The following VEZT variants were observed in gnomAD, a reference collection of about 807,000 sequenced individuals.
VEZT encodes the protein vezatin.
In VEZT, 39 loss-of-function variants were observed where a neutral mutation model predicts 79.9. The ratio of observed to expected loss-of-function variants is 0.49; its 90% CI spans 0.38 to 0.64. The LOEUF (loss-of-function observed/expected upper bound fraction) is 0.64. Among genes scored for constraint, VEZT ranks in the 30% least tolerant of loss-of-function variants. The pLI is 0.00. For synonymous variants in VEZT, 325 were observed against 327.6 expected, an observed-to-expected ratio of 0.99 and a Z score of 0.09; for missense variants, 837 against 893.1, an observed-to-expected ratio of 0.94 and a Z score of 0.80.
chr12:95,285,982 CTTT>C (rs869030351), intron 8 of VEZT, among the ~76,000 whole-genome samples: 2 of 85,832 alleles, frequency 2.3e-5, no homozygotes, highest in South Asian at 5.1e-4. Flanking sequence ...CCGACCCCTT[CTTT>C]TTTTTTTTTT....
At chr12:95,236,932 A>G (rs1356951812) in intron 1 of VEZT, among the ~76,000 whole-genome samples, 3 of 152,220 alleles carry the variant, frequency 2.0e-5, no homozygotes, top group African/African-American at 7.2e-5. Context: ...TGAAGCAAAA[A>G]TAAGGCAATT....
At chr12:95,224,894 A>G (rs1341935233) in intron 1 of VEZT, among the ~76,000 whole-genome samples, 1 of 152,196 alleles carries the variant, frequency 6.6e-6, no homozygotes, top group Non-Finnish European at 1.5e-5. Flanking sequence ...GGCATTAGTT[A>G]GATTCTCATA....
chr12:95,237,856 C>T (rs796611968), intron 1 of VEZT, among the ~76,000 whole-genome samples: 1 of 152,082 alleles, frequency 6.6e-6, no homozygotes, highest in Non-Finnish European at 1.5e-5. Flanking sequence ...AGTCATGGAG[C>T]CTGTAGATCA....
At chr12:95,254,575 G>T (rs2063167946) in intron 2 of VEZT, among the ~76,000 whole-genome samples, 1 of 151,972 alleles carries the variant, frequency 6.6e-6, no homozygotes, top group African/African-American at 2.4e-5. Context: ...TTAAACTCCT[G>T]ACCTCAAGTG....
At chr12:95,272,555 T>C (rs997275124) in intron 6 of VEZT, among the ~76,000 whole-genome samples, 1 of 152,134 alleles carries the variant, frequency 6.6e-6, no homozygotes, top group Non-Finnish European at 1.5e-5. Context: ...TAAATTTAAC[T>C]AAAAAAGAAT....
In VEZT at chr12:95,217,826, G is replaced by T; in HGVS notation, c.-25G>T. On this transcript the variant is annotated 5_prime_UTR_variant, in exon 1 of 12. Transcript: ENST00000436874. ...TCCCGCCTTCATTTCCCATCGTGCT[G>T]AGGCGGGTGGCATGGCGGAGAAGGA... 6.5e-7 allele frequency: 1 copy of T among 1,547,796 alleles called. No individual in the cohort carries two copies. The highest frequency in any genetic ancestry group is 8.7e-7 in the Non-Finnish European group (1 of 1,152,112).
chr12:95,220,891 A>G (rs1387753900), intron 1 of VEZT, among the ~76,000 whole-genome samples: 3 of 152,182 alleles, frequency 2.0e-5, no homozygotes, highest in Non-Finnish European at 4.4e-5. Flanking sequence ...AAATACCTAG[A>G]TATTTCTGTA....
intron 7 of VEZT, among the ~76,000 whole-genome samples, chr12:95,280,905 C>G (rs1189361944): frequency 6.6e-6 from 1 of 151,808 alleles, no homozygotes; most frequent in Non-Finnish European, 1.5e-5. Context: ...ACATCTGTAG[C>G]AACTAGGAAA....
chr12:95,246,993 G>T (rs1483918260), intron 1 of VEZT, among the ~76,000 whole-genome samples: 4 of 152,098 alleles, frequency 2.6e-5, no homozygotes, highest in Admixed American at 2.6e-4. Context: ...ATTTATTAGT[G>T]TATAAGCCTA....
chr12:95,264,215 A>C (rs1236664397), intron 4 of VEZT, among the ~76,000 whole-genome samples: 1 of 149,198 alleles, frequency 6.7e-6, no homozygotes, highest in African/African-American at 2.4e-5. Context: ...ATCCTTCAAA[A>C]ATACAAGAAT....
At chr12:95,251,107 T>A (rs1310508244) in intron 1 of VEZT, among the ~76,000 whole-genome samples, 1 of 151,932 alleles carries the variant, frequency 6.6e-6, no homozygotes, top group Non-Finnish European at 1.5e-5. Flanking sequence ...GCCTCCTGGG[T>A]TCAAGCGATT....
chr12:95,278,969 C>A (rs1412061621), intron 7 of VEZT, among the ~76,000 whole-genome samples: 1 of 152,210 alleles, frequency 6.6e-6, no homozygotes, highest in African/African-American at 2.4e-5. Flanking sequence ...ACTCGGGAGG[C>A]TGAGGCAGGA....
In VEZT at chr12:95,282,624, T is replaced by C; in HGVS notation, c.1308T>C (p.His436=). The part of the protein sequence containing the change: ...VHTAVRSLQL[H]LKALLNEVII... ...CAGCAGTGCGTAGCTTGCAGCTCCA[T>C]CTGAAAGCATTACTGAATGAGTAAG... Residue 436 remains histidine, a synonymous_variant, in exon 8 of 12, where the codon CAT becomes CAC. Transcript: ENST00000436874. 1 of 1,604,150 alleles carries C rather than the reference T, an allele frequency of 6.2e-7. No homozygotes were observed. The highest frequency in any genetic ancestry group is 8.5e-7 in the Non-Finnish European group (1 of 1,173,536).
chr12:95,256,972 A>G (rs1198626307), intron 2 of VEZT, among the ~76,000 whole-genome samples, 178 bp from the exon 3 acceptor site: 1 of 152,222 alleles, frequency 6.6e-6, no homozygotes, highest in Non-Finnish European at 1.5e-5. Context: ...CTGATATGCA[A>G]CAAAATTTAG....
At chr12:95,299,893 G>A (rs1366590596) in intron 11 of VEZT, 1 of 205,176 alleles carries the variant, frequency 4.9e-6, no homozygotes, top group East Asian at 1.1e-4. Flanking sequence ...CACACTTTCA[G>A]AACCACTGCT....
chr12:95,248,384 C>T (rs950497091), intron 1 of VEZT, among the ~76,000 whole-genome samples: 21 of 151,954 alleles, frequency 1.4e-4, no homozygotes, highest in Admixed American at 5.9e-4. Context: ...TATGGTGATC[C>T]GAACTGAATG....
intron 1 of VEZT, among the ~76,000 whole-genome samples, chr12:95,237,819 T>C (rs2060399889): frequency 6.6e-6 from 1 of 152,222 alleles, no homozygotes; most frequent in African/African-American, 2.4e-5. Flanking sequence ...CTAATAAGTA[T>C]AGAGCTCTCC....
intron 7 of VEZT, among the ~76,000 whole-genome samples, chr12:95,277,239 G>A (rs903380555): frequency 2.0e-5 from 3 of 152,110 alleles, no homozygotes; most frequent in Admixed American, 6.5e-5. Context: ...TATATACCAA[G>A]CTGCTTATTC....
At chr12:95,285,654 A>C (rs1333475743) in intron 8 of VEZT, among the ~76,000 whole-genome samples, 5 of 152,058 alleles carry the variant, frequency 3.3e-5, no homozygotes, top group Non-Finnish European at 5.9e-5. Flanking sequence ...TATTCAGCCC[A>C]GTTTTACATC....
Sources: allele counts gnomAD v4.1 joint callset (sites outside exome capture counted in the v4.1 genomes callset), GRCh38; gene constraint gnomAD v4.1.1; transcripts MANE v1.5; gene names NCBI Gene and HGNC (gene_info 2026-07-23, HGNC 2026-07-21).